Variants in SPATA22 observed in about 807,000 individuals in gnomAD.
SPATA22 encodes the protein spermatogenesis associated 22, also known as spermatogenesis-associated protein 22.
A neutral mutation model predicts 47.8 loss-of-function variants in SPATA22; 29 were observed. The observed-to-expected ratio is 0.61, with a 90% CI of 0.45 to 0.83. SPATA22 has a LOEUF of 0.83. SPATA22 is among the 40% of genes least tolerant of loss of function. The pLI is 0.00. For synonymous variants in SPATA22, 133 were observed against 140.9 expected, an observed-to-expected ratio of 0.94 and a Z score of 0.40; for missense variants, 410 against 421.7, an observed-to-expected ratio of 0.97 and a Z score of 0.24.
intron 3 of SPATA22, among the ~76,000 whole-genome samples, chr17:3,464,764 T>C (rs1348842466): frequency 3.4e-5 from 4 of 118,642 alleles, no homozygotes; most frequent in Admixed American, 2.8e-4. Flanking sequence ...GTCTGAGAAG[T>C]GAGGAGCCCC....
intron 7 of SPATA22, among the ~76,000 whole-genome samples, chr17:3,446,216 A>G (rs1376372591): frequency 6.6e-6 from 1 of 152,098 alleles, no homozygotes; most frequent in Non-Finnish European, 1.5e-5. Flanking sequence ...TTTGCCATAT[A>G]AGGTAGCATT....
chr17:3,458,558 G>C (rs938166923), intron 5 of SPATA22, among the ~76,000 whole-genome samples: 63 of 152,056 alleles, frequency 4.1e-4, no homozygotes, highest in African/African-American at 1.5e-3. Context: ...CAATAGCCAA[G>C]AGGGCCAGGC....
In SPATA22 at chr17:3,448,898, T is replaced by TTTG; in HGVS notation, c.580_581insCAA (p.Lys193_Asn194insThr). 2.5e-6 allele frequency: 4 copies of TTTG among 1,614,100 alleles called. No homozygotes were observed. Among genetic ancestry groups the TTTG allele is most frequent in the Non-Finnish European group, 3.4e-6 (4 of 1,179,980 alleles). On this transcript the variant is annotated inframe_insertion, in exon 6 of 9. Transcript: ENST00000572969. ...GGGCTTAAGTGTCTGTAGTGCACTG[T>TTTG]TTTTGTCTAGCCCTCTCATTGTGCA... is the stretch of plus-strand genomic sequence containing the variant.
chr17:3,508,337 T>C lies in SPATA22; in HGVS notation c.-74+5075A>G, dbSNP rs534601033. On this transcript the variant is annotated intron_variant, in intron 1 of 8. Coordinates refer to the SPATA22 transcript ENST00000541913. ...CTAGTTCAACCATTGTGGAAGTCAG[T>C]GTGGCGATTCCTCAGGGATCTAGAA... Among the ~76,000 whole-genome samples the C allele has an allele frequency of 2.5e-3, 372 of 151,556 alleles. 3 individuals carry two copies. Among genetic ancestry groups the C allele is most frequent in the Admixed American group, 3.6e-3 (54 of 15,184 alleles).
At chr17:3,469,459 A>T (rs1292298071) in intron 1 of SPATA22, 61 bp from the exon 2 acceptor site, 2 of 637,644 alleles carry the variant, frequency 3.1e-6, no homozygotes, top group Non-Finnish European at 5.2e-6. Flanking sequence ...TCCTCAGCCC[A>T]GTGATTACTG....
chr17:3,444,986 A>G (rs2072695467), intron 7 of SPATA22, among the ~76,000 whole-genome samples: 1 of 152,084 alleles, frequency 6.6e-6, no homozygotes, highest in Non-Finnish European at 1.5e-5. Flanking sequence ...GTATTGTGAT[A>G]TTCTTAAAAG....
intron 3 of SPATA22, among the ~76,000 whole-genome samples, chr17:3,465,055 C>T (rs866639418): frequency 0.034 from 3,294 of 98,080 alleles, 179 homozygotes; most frequent in Middle Eastern, 0.066. Flanking sequence ...CCGCCCCGTC[C>T]GGGAGGGAGG....
At chr17:3,503,449 T>G (rs1415340523) in intron 1 of SPATA22, 3 of 152,212 alleles carry the variant, frequency 2.0e-5, no homozygotes, top group African/African-American at 7.2e-5. Context: ...TACATAAGAT[T>G]TACCAAGCTT....
intron 1 of SPATA22, among the ~76,000 whole-genome samples, chr17:3,492,485 A>T (rs1243345729): frequency 6.6e-6 from 1 of 152,186 alleles, no homozygotes; most frequent in African/African-American, 2.4e-5. Flanking sequence ...CCGCGTCCAC[A>T]TCCTGGCAGT....
intron 1 of SPATA22, among the ~76,000 whole-genome samples, chr17:3,482,832 CA>C (rs35614631): frequency 0.36 from 54,306 of 149,382 alleles, 12,674 homozygotes; most frequent in Non-Finnish European, 0.54. Flanking sequence ...GGTACATGTG[CA>C]CCATGTGCAG....
intron 5 of SPATA22, among the ~76,000 whole-genome samples, chr17:3,453,131 C>T (rs1323011165): frequency 1.3e-5 from 2 of 152,136 alleles, no homozygotes; most frequent in African/African-American, 4.8e-5. Context: ...TCAATAAATA[C>T]TAGCAAGGCA....
At chr17:3,471,518 GCA>G (rs149789275) in intron 1 of SPATA22, 162 bp downstream of exon 1, 220 of 888,318 alleles carry the variant, frequency 2.5e-4, no homozygotes, top group South Asian at 3.1e-4. Flanking sequence ...CAATCTGCAC[GCA>G]CACACACACA....
chr17:3,444,755 G>T (rs1488898687), intron 7 of SPATA22, among the ~76,000 whole-genome samples: 1 of 151,966 alleles, frequency 6.6e-6, no homozygotes, highest in East Asian at 1.9e-4. Context: ...CACTAAAGTT[G>T]TTTTTTTCTG....
chr17:3,512,433 CAGAG>C, intron 1 of SPATA22: 1 of 152,216 alleles, frequency 6.6e-6, no homozygotes, highest in Admixed American at 6.5e-5. Context: ...GAAACTGGCC[CAGAG>C]TGCACTGCTA....
intron 1 of SPATA22, among the ~76,000 whole-genome samples, chr17:3,486,018 C>T (rs1217344201): frequency 9.2e-5 from 14 of 151,558 alleles, no homozygotes; most frequent in Admixed American, 3.9e-4. Context: ...CTGCAACCTC[C>T]GCCTCCTGGG....
At chr17:3,447,454 G>GATT (rs34205652) in intron 6 of SPATA22, among the ~76,000 whole-genome samples, 85,392 of 151,658 alleles carry the variant, frequency 0.56, 25,748 homozygotes, top group Non-Finnish European at 0.68. Context: ...TCCTGTTGAT[G>GATT]ATGGCCACAG....
chr17:3,454,749 G>C (rs536522263), intron 5 of SPATA22, among the ~76,000 whole-genome samples: 1 of 151,878 alleles, frequency 6.6e-6, no homozygotes, highest in African/African-American at 2.4e-5. Flanking sequence ...GAATAGTGCC[G>C]CAATAAACAT....
chr17:3,481,607 A>G lies in SPATA22; in HGVS notation c.-73-12209T>C, dbSNP rs748350846. 5.6e-6 allele frequency: 9 copies of G among 1,613,256 alleles called. No individual in the cohort carries two copies. The South Asian group carries it at 6.6e-5, about 12-fold the overall frequency. On this transcript the variant is annotated intron_variant, in intron 1 of 8. Coordinates refer to the SPATA22 transcript ENST00000541913. ...TTTTCTTTCTGCTTATAACAGCAAA[A>G]AAATGTCAGAAGATTTGCCATATGA...
At chr17:3,462,303 G>A (rs2073140689) in intron 5 of SPATA22, among the ~76,000 whole-genome samples, 180 bp downstream of exon 5, 1 of 152,142 alleles carries the variant, frequency 6.6e-6, no homozygotes, top group Admixed American at 6.5e-5. Flanking sequence ...AGTTTTACAT[G>A]CATGTTCTCT....
Sources: gnomAD v4.1 joint callset for allele counts (sites outside exome capture counted in the v4.1 genomes callset) on GRCh38, gnomAD v4.1.1 for gene constraint, MANE v1.5 for transcripts, NCBI Gene and HGNC (gene_info 2026-07-23, HGNC 2026-07-21) for gene names.